RGS22: variants seen among roughly 807,000 people sequenced by gnomAD.
The protein encoded by RGS22 is regulator of G-protein signaling 22.
A neutral mutation model predicts 172.9 loss-of-function variants in RGS22; 148 were observed. The ratio of observed to expected loss-of-function variants is 0.86; its 90% CI spans 0.75 to 0.98. The LOEUF (loss-of-function observed/expected upper bound fraction) is 0.98, where lower values mean the gene tolerates loss of function less well. Ranked by LOEUF, RGS22 falls within the 50% of genes least tolerant of loss-of-function variation. RGS22 has a pLI of 0.00. For synonymous variants in RGS22, 458 were observed against 480.2 expected (o/e 0.95, Z 0.60); for missense variants, 1,347 against 1,440.8 (o/e 0.93, Z 1.05).
intron 14 of RGS22, among the ~76,000 whole-genome samples, chr8:100,031,669 T>C (rs756659861): frequency 6.6e-6 from 1 of 152,106 alleles, no homozygotes; most frequent in Non-Finnish European, 1.5e-5. Context: ...TGGAGAGTGA[T>C]AGATTCTAAA....
intron 5 of RGS22, 60 bp from the exon 6 acceptor site, chr8:100,071,597 A>G: frequency 1.4e-6 from 2 of 1,417,504 alleles, no homozygotes; most frequent in Non-Finnish European, 1.9e-6. Flanking sequence ...AATTCAGGGA[A>G]AAAACCTAAA....
chr8:100,054,429 G>GA (rs1822031485), intron 9 of RGS22: 1 of 154,072 alleles, frequency 6.5e-6, no homozygotes, highest in Non-Finnish European at 1.5e-5. Context: ...TGTCTCTACA[G>GA]AAAAATTTTT....
At chr8:100,007,072 G>T (rs996505462) in intron 15 of RGS22, among the ~76,000 whole-genome samples, 11 of 151,970 alleles carry the variant, frequency 7.2e-5, no homozygotes, top group African/African-American at 2.2e-4. Context: ...AGGATACTAG[G>T]CTAATTTTTC....
At chr8:100,089,211 AACAC>A (rs58302018) in intron 3 of RGS22, among the ~76,000 whole-genome samples, 38 of 144,598 alleles carry the variant, frequency 2.6e-4, no homozygotes, top group South Asian at 1.3e-3. Flanking sequence ...CACACACACA[AACAC>A]ACACACACAC....
chr8:100,008,675 C>G, intron 14 of RGS22, 106 bp from the exon 15 acceptor site: 1 of 746,378 alleles, frequency 1.3e-6, no homozygotes, highest in South Asian at 2.1e-5. Flanking sequence ...GGCAAATAAG[C>G]CCACGTGATA....
chr8:100,040,385 C>A (rs1482331514), intron 12 of RGS22, among the ~76,000 whole-genome samples: 1 of 152,126 alleles, frequency 6.6e-6, no homozygotes, highest in Non-Finnish European at 1.5e-5. Context: ...CAAAGTAAGA[C>A]CATTTTAGGA....
intron 14 of RGS22, among the ~76,000 whole-genome samples, chr8:100,034,455 G>A (rs759586321): frequency 1.5e-4 from 23 of 152,238 alleles, no homozygotes; most frequent in South Asian, 6.2e-4. Context: ...ACTGCTCAAC[G>A]AAATAAAAGA....
At chr8:100,046,275 TAAGA>T (rs1820704194) in intron 11 of RGS22, 1 of 152,112 alleles carries the variant, frequency 6.6e-6, no homozygotes, top group African/African-American at 2.4e-5. Context: ...ATATGACAGA[TAAGA>T]AATAGCATTC....
chr8:100,006,124 T>C lies in RGS22; in HGVS notation c.2362-15A>G. The stretch of plus-strand genomic sequence containing the variant: ...ACCAGCTCCACCTAAAAAAAATAAA[T>C]AAAGCTTGTGACATCAAGAGAATGT... On this transcript the variant is annotated splice_polypyrimidine_tract_variant and intron_variant, in intron 15 of 27. Coordinates refer to ENST00000360863, the MANE Select transcript of RGS22 (RefSeq NM_015668.5). 6.2e-7 allele frequency: 1 copy of C among 1,600,680 alleles called. No homozygotes were observed. The highest frequency in any genetic ancestry group is 8.5e-7 in the Non-Finnish European group (1 of 1,170,632).
chr8:99,976,962 C>T (rs976096136), intron 23 of RGS22, among the ~76,000 whole-genome samples: 12 of 151,970 alleles, frequency 7.9e-5, no homozygotes, highest in Non-Finnish European at 1.8e-4. Context: ...TATTTGGGAG[C>T]AATTACCCCT....
intron 11 of RGS22, among the ~76,000 whole-genome samples, chr8:100,043,956 T>C (rs769846903): frequency 9.9e-5 from 15 of 152,162 alleles, no homozygotes; most frequent in South Asian, 8.3e-4. Context: ...TGAAGAACTA[T>C]ATGCAAACAA....
At chr8:100,098,059 C>A (rs1813122373) in intron 2 of RGS22, among the ~76,000 whole-genome samples, 1 of 152,168 alleles carries the variant, frequency 6.6e-6, no homozygotes, top group Non-Finnish European at 1.5e-5. Flanking sequence ...AAATTTTCCC[C>A]TTTATTCACG....
intron 3 of RGS22, among the ~76,000 whole-genome samples, chr8:100,083,830 C>CTT (rs59603032): frequency 1.1e-4 from 14 of 126,040 alleles, no homozygotes; most frequent in African/African-American, 2.8e-4. Context: ...AATTTCTTTT[C>CTT]TTTTTTTTTT....
At chr8:100,078,869 C>T (rs898029948) in intron 4 of RGS22, among the ~76,000 whole-genome samples, 1 of 152,296 alleles carries the variant, frequency 6.6e-6, no homozygotes, top group East Asian at 1.9e-4. Flanking sequence ...TCAGGCAATC[C>T]ACCTGCCTTG....
At position 99,977,948 on chromosome 8, in the gene RGS22, A is replaced by AG. The variant is rs1563566884; in HGVS notation, c.3487_3488insC (p.Leu1163SerfsTer32). The stretch of plus-strand genomic sequence containing the variant: ...AGATTTTTCGTCTTCTAGGACTGCC[A>AG]ATTTTTTTTTCTGCTTATTATATTC... On this transcript the variant is annotated frameshift_variant, in exon 23 of 28. Transcript: ENST00000360863. LOFTEE classifies it high-confidence loss of function. 33 of 1,561,994 alleles carry AG rather than the reference A, an allele frequency of 2.1e-5. No individual in the cohort carries two copies. Among genetic ancestry groups the AG allele is most frequent in the Middle Eastern group, 1.7e-4 (1 of 5,942 alleles).
At chr8:99,978,098 T>C (rs1183645080) in intron 22 of RGS22, 23 bp from the exon 23 acceptor site, 8 of 1,411,942 alleles carry the variant, frequency 5.7e-6, no homozygotes, top group Non-Finnish European at 7.6e-6. Context: ...AAGTCTAAGA[T>C]TACAATTTTA....
At chr8:100,081,718 G>C (rs1586236409) in intron 3 of RGS22, among the ~76,000 whole-genome samples, 2 of 152,110 alleles carry the variant, frequency 1.3e-5, no homozygotes, top group Middle Eastern at 3.4e-3. Context: ...AGAGAAAAAA[G>C]AGTCTGCTGA....
chr8:100,004,333 A>T (rs1022246455), intron 16 of RGS22, among the ~76,000 whole-genome samples: 6 of 152,092 alleles, frequency 3.9e-5, no homozygotes, highest in Non-Finnish European at 1.5e-5. Context: ...TGTTTAGTAA[A>T]TATTTACTAT....
chr8:100,022,408 C>T lies in RGS22; in HGVS notation c.2167-13839G>A, dbSNP rs187405154. On this transcript the variant is annotated intron_variant, in intron 14 of 27. Transcript: ENST00000360863. The stretch of plus-strand genomic sequence containing the variant: ...AAAAAATCAGAAGGGGAAAATAGAA[C>T]GTGTTAAGAAAAGACGAGAACAAAC... Among the ~76,000 whole-genome samples the T allele has an allele frequency of 1.1e-3, 170 of 152,114 alleles. 1 individual carries two copies. The highest frequency in any genetic ancestry group is 3.4e-3 in the Middle Eastern group (1 of 294).
Sources: allele counts gnomAD v4.1 joint callset (sites outside exome capture counted in the v4.1 genomes callset), GRCh38; gene constraint gnomAD v4.1.1; transcripts MANE v1.5; gene names NCBI Gene and HGNC (gene_info 2026-07-23, HGNC 2026-07-21).